Variants in SAMD12 observed in about 807,000 individuals in gnomAD.
SAMD12 encodes sterile alpha motif domain containing 12, also known as sterile alpha motif domain-containing protein 12.
In SAMD12, 9 loss-of-function variants were observed where a neutral mutation model predicts 15.0. The ratio of observed to expected loss-of-function variants is 0.60; its 90% CI spans 0.36 to 1.05. The LOEUF is 1.05. Ranked by LOEUF, SAMD12 falls within the 50% of genes least tolerant of loss-of-function variation. The probability of loss-of-function intolerance (pLI) is 0.01; values close to 1 mark genes in which losing one functional copy is unlikely to be tolerated. For missense variants in SAMD12, 230 were observed against 234.2 expected, an observed-to-expected ratio of 0.98 and a Z score of 0.12; for synonymous variants, 86 against 90.1, an observed-to-expected ratio of 0.96 and a Z score of 0.25.
In SAMD12 at chr8:118,513,711, C is replaced by T. The variant is rs1825148595; in HGVS notation, c.192+67004G>A. 2.0e-5 allele frequency among the ~76,000 whole-genome samples: 3 copies of T among 152,270 alleles called. No homozygotes were observed. The South Asian group carries it at 6.2e-4, about 32-fold the overall frequency. Reference sequence around the variant, plus strand: ...GGGGTGGATGTAGTGGTGACAGAGCCCCTTGGCAGAGTTCACAAACTCTAT... The same window carrying T: ...GGGGTGGATGTAGTGGTGACAGAGCTCCTTGGCAGAGTTCACAAACTCTAT... On this transcript the variant is annotated intron_variant, in intron 2 of 3. Transcript: ENST00000314727.
intron 3 of SAMD12, among the ~76,000 whole-genome samples, chr8:118,387,015 T>A (rs984952483): frequency 6.6e-6 from 1 of 152,156 alleles, no homozygotes; most frequent in African/African-American, 2.4e-5. Context: ...CTTTGTGCAC[T>A]GGGTTAGCTC....
intron 2 of SAMD12, among the ~76,000 whole-genome samples, chr8:118,472,986 G>A (rs970602284): frequency 3.3e-5 from 5 of 152,016 alleles, no homozygotes; most frequent in African/African-American, 7.3e-5. Context: ...TATATTTTTA[G>A]TCCCTCTCTG....
chr8:118,609,862 G>C (rs1157692344), intron 1 of SAMD12, among the ~76,000 whole-genome samples: 1 of 152,170 alleles, frequency 6.6e-6, no homozygotes, highest in Non-Finnish European at 1.5e-5. Context: ...GCTCCCCTCT[G>C]ATAGACAGAG....
At chr8:118,234,791 G>GT (rs1812392432) in intron 4 of SAMD12, among the ~76,000 whole-genome samples, 1 of 148,988 alleles carries the variant, frequency 6.7e-6, no homozygotes, top group Non-Finnish European at 1.5e-5. Context: ...ATTTTTTGTT[G>GT]TTTTTTAGAG....
chr8:118,336,902 A>G (rs1199437798), intron 4 of SAMD12, among the ~76,000 whole-genome samples: 2 of 152,220 alleles, frequency 1.3e-5, no homozygotes, highest in Non-Finnish European at 2.9e-5. Context: ...TGAGCAAACT[A>G]TTGCAAGGAC....
At chr8:118,524,271 A>G (rs1825473620) in intron 2 of SAMD12, among the ~76,000 whole-genome samples, 1 of 152,050 alleles carries the variant, frequency 6.6e-6, no homozygotes, top group African/African-American at 2.4e-5. Flanking sequence ...GCTGAATCCT[A>G]TGGGCAATTC....
chr8:118,567,489 C>T (rs1437566155), intron 2 of SAMD12, among the ~76,000 whole-genome samples: 1 of 152,074 alleles, frequency 6.6e-6, no homozygotes, highest in Non-Finnish European at 1.5e-5. Context: ...AGATTCTTCC[C>T]ATCTCCCAAA....
the SAMD12 span, among the ~76,000 whole-genome samples, chr8:118,170,821 A>T: frequency 6.6e-6 from 1 of 152,206 alleles, no homozygotes; most frequent in Non-Finnish European, 1.5e-5. Flanking sequence ...AAGAAAAAAA[A>T]TAGATTGGAC....
exon 5 of SAMD12, chr8:118,197,341 A>C (rs1342322244): frequency 3.3e-6 from 1 of 300,864 alleles, no homozygotes; most frequent in Non-Finnish European, 6.2e-6. Flanking sequence ...ATCTGCACAC[A>C]TAATAAAATA....
chr8:118,169,251 G>A, the SAMD12 span, among the ~76,000 whole-genome samples: 2 of 152,260 alleles, frequency 1.3e-5, no homozygotes, highest in South Asian at 4.2e-4. Flanking sequence ...ACCACAGACA[G>A]ATTAAAGTCC....
intron 2 of SAMD12, among the ~76,000 whole-genome samples, chr8:118,537,244 G>T (rs1023692712): frequency 3.3e-5 from 5 of 152,014 alleles, no homozygotes; most frequent in African/African-American, 1.2e-4. Context: ...TGATTATTAA[G>T]TCTTGAGGTA....
At chr8:118,360,740 T>A (rs529449264) in intron 4 of SAMD12, among the ~76,000 whole-genome samples, 2 of 152,222 alleles carry the variant, frequency 1.3e-5, no homozygotes, top group South Asian at 4.1e-4. Context: ...CAAACTCTAC[T>A]CGTGCTAGGG....
chr8:118,164,698 T>C, the SAMD12 span, among the ~76,000 whole-genome samples: 188 of 152,238 alleles, frequency 1.2e-3, 1 homozygote, highest in African/African-American at 4.3e-3. Context: ...GGCAATTTTT[T>C]TTTTTAAACT....
intron 4 of SAMD12, among the ~76,000 whole-genome samples, chr8:118,366,812 C>CAAAAATAAAATAAAATAAAATAAAATA (rs201807072): frequency 1.3e-5 from 1 of 78,072 alleles, no homozygotes; most frequent in African/African-American, 5.9e-5. Flanking sequence ...AACTCTGTCT[C>CAAAAATAAAATAAAATAAAATAAAATA]AAATAAAATA....
At chr8:118,257,092 T>C (rs1662071476) in intron 4 of SAMD12, among the ~76,000 whole-genome samples, 1 of 152,118 alleles carries the variant, frequency 6.6e-6, no homozygotes, top group Middle Eastern at 3.4e-3. Flanking sequence ...GGCATCCAAT[T>C]AGAAAAGACA....
At chr8:118,133,022 ATATATC>A in the SAMD12 span, among the ~76,000 whole-genome samples, 13 of 102,790 alleles carry the variant, frequency 1.3e-4, no homozygotes, top group African/African-American at 2.9e-4. Context: ...ATATATATAT[ATATATC>A]TTATTACTTA....
chr8:118,284,549 G>A, intron 4 of SAMD12: 1 of 335,424 alleles, frequency 3.0e-6, no homozygotes, highest in South Asian at 2.3e-5. Flanking sequence ...TGGAAATGGT[G>A]ATGTGAAATT....
intron 4 of SAMD12, among the ~76,000 whole-genome samples, chr8:118,298,083 A>AAG (rs10670013): frequency 1.3e-5 from 2 of 152,340 alleles, no homozygotes; most frequent in East Asian, 1.9e-4. Context: ...CCTACCTGGT[A>AAG]TTTATTGTGA....
Position 118,344,452 on chromosome 8 carries a change from G to A in SAMD12, c.433+35108C>T, listed in dbSNP as rs1217630510. ...AGTCAGCCCTTGCAACATTGTAAGA[G>A]GTAGATATAACTATTCCCAGTTTAA... On this transcript the variant is annotated intron_variant, in intron 4 of 4. Transcript: ENST00000409003. Among the ~76,000 whole-genome samples the A allele has an allele frequency of 2.6e-5, 4 of 152,200 alleles. No homozygotes were observed. In the South Asian group the frequency reaches 6.2e-4, roughly 24 times the overall value.
Sources: allele counts gnomAD v4.1 joint callset (sites outside exome capture counted in the v4.1 genomes callset), GRCh38; gene constraint gnomAD v4.1.1; transcripts MANE v1.5; gene names NCBI Gene and HGNC (gene_info 2026-07-23, HGNC 2026-07-21).